DNER: variants seen among roughly 807,000 people sequenced by gnomAD.
DNER encodes delta and Notch-like epidermal growth factor-related receptor.
A neutral mutation model predicts 78.2 loss-of-function variants in DNER; 33 were observed. The ratio of observed to expected loss-of-function variants is 0.42; its 90% CI spans 0.32 to 0.56. The LOEUF is 0.56. DNER is among the 20% of genes least tolerant of loss of function. The pLI is 0.11. For missense variants in DNER, 918 were observed against 975.3 expected, an observed-to-expected ratio of 0.94 and a Z score of 0.78; for synonymous variants, 417 against 384.8, an observed-to-expected ratio of 1.08 and a Z score of -0.98.
At chr2:229,610,690 C>G (rs72990027) in intron 1 of DNER, among the ~76,000 whole-genome samples, 5,989 of 152,138 alleles carry the variant, frequency 0.039, 178 homozygotes, top group East Asian at 0.13. Flanking sequence ...CCTCAACCAC[C>G]GACAGTGTAC....
intron 1 of DNER, chr2:229,702,228 A>C (rs562973081): frequency 1.3e-5 from 2 of 154,120 alleles, no homozygotes; most frequent in South Asian, 2.0e-4. Context: ...AATTCTTGTT[A>C]GCAATAAATA....
chr2:229,386,337 C>T (rs1244227892), intron 11 of DNER, among the ~76,000 whole-genome samples: 1 of 152,196 alleles, frequency 6.6e-6, no homozygotes, highest in Admixed American at 6.5e-5. Context: ...GGATAAAAGA[C>T]TTACACGTAA....
intron 5 of DNER, among the ~76,000 whole-genome samples, chr2:229,541,971 T>G (rs1052712129): frequency 6.8e-6 from 1 of 147,196 alleles, no homozygotes; most frequent in African/African-American, 2.5e-5. Flanking sequence ...TATATATTAA[T>G]TATATACAAT....
intron 5 of DNER, among the ~76,000 whole-genome samples, chr2:229,513,677 A>G (rs1695916522): frequency 6.6e-6 from 1 of 152,180 alleles, no homozygotes. Flanking sequence ...ATCTGTCCCC[A>G]AAGCCTACAC....
Position 229,367,081 on chromosome 2 carries a change from T to G in DNER, c.1894A>C (p.Thr632Pro), listed in dbSNP as rs759360449. The change falls in exon 12 of 13, where the codon ACC becomes CCC. Residue 632 changes from threonine to proline, a missense_variant. Thr to Pro is a conservative substitution (Grantham distance 38). Coordinates refer to ENST00000341772, the MANE Select transcript of DNER (RefSeq NM_139072.4). Reference sequence around the variant, plus strand: ...TAGAGGGAGTGCCGTGGCATGTTGGTGAGGCTCTCCGCCATGTGCCCGGAC... The same window carrying G: ...TAGAGGGAGTGCCGTGGCATGTTGGGGAGGCTCTCCGCCATGTGCCCGGAC... ...WKSGHMAESL[T>P]NMPRHSLYII... 6.2e-7 allele frequency: 1 copy of G among 1,614,098 alleles called. No individual in the cohort carries two copies. The highest frequency in any genetic ancestry group is 8.5e-7 in the Non-Finnish European group (1 of 1,180,000).
chr2:229,604,315 T>C (rs866735253), intron 1 of DNER, among the ~76,000 whole-genome samples: 4 of 151,982 alleles, frequency 2.6e-5, no homozygotes, highest in African/African-American at 7.2e-5. Context: ...TAGCAGGGAG[T>C]TGGAAAACCA....
intron 5 of DNER, among the ~76,000 whole-genome samples, chr2:229,514,878 A>G (rs1695938694): frequency 6.6e-6 from 1 of 152,226 alleles, no homozygotes; most frequent in South Asian, 2.1e-4. Flanking sequence ...GCCAAATTGT[A>G]TATGGGTGTC....
intron 2 of DNER, among the ~76,000 whole-genome samples, chr2:229,588,813 C>T (rs1379218292): frequency 6.6e-6 from 1 of 152,144 alleles, no homozygotes; most frequent in Non-Finnish European, 1.5e-5. Context: ...GTCATTGACC[C>T]CTGCACTATG....
intron 1 of DNER, among the ~76,000 whole-genome samples, chr2:229,594,890 G>A (rs1439440674): frequency 7.0e-6 from 1 of 142,952 alleles, no homozygotes; most frequent in Non-Finnish European, 1.5e-5. Context: ...AATACTCAAG[G>A]AACACTGATT....
intron 1 of DNER, among the ~76,000 whole-genome samples, chr2:229,636,858 T>G (rs1248023641): frequency 1.3e-5 from 2 of 152,218 alleles, no homozygotes; most frequent in South Asian, 4.1e-4. Context: ...TGGCTCCTTC[T>G]TGGTCATTCT....
intron 5 of DNER, among the ~76,000 whole-genome samples, chr2:229,527,649 A>C (rs7597237): frequency 0.026 from 3,902 of 152,284 alleles, 170 homozygotes; most frequent in African/African-American, 0.089. Flanking sequence ...GCATGGACAA[A>C]TGGATTGTAT....
intron 7 of DNER, among the ~76,000 whole-genome samples, chr2:229,471,201 A>G (rs11903122): frequency 0.36 from 54,868 of 151,960 alleles, 11,690 homozygotes; most frequent in African/African-American, 0.6. Context: ...TGGGTAACAT[A>G]CCCAGTTTTT....
intron 1 of DNER, among the ~76,000 whole-genome samples, chr2:229,633,229 G>A (rs150485653): frequency 6.6e-6 from 1 of 152,298 alleles, no homozygotes; most frequent in Non-Finnish European, 1.5e-5. Context: ...CAATGACCAC[G>A]TGGAGTATGG....
intron 6 of DNER, among the ~76,000 whole-genome samples, chr2:229,481,837 A>G (rs896268107): frequency 6.6e-6 from 1 of 152,212 alleles, no homozygotes; most frequent in African/African-American, 2.4e-5. Context: ...TGCCACAGAC[A>G]CAAAAGGTAA....
At chr2:229,674,150 G>T (rs533363122) in intron 1 of DNER, among the ~76,000 whole-genome samples, 1 of 152,270 alleles carries the variant, frequency 6.6e-6, no homozygotes, top group Admixed American at 6.5e-5. Flanking sequence ...GGTACTTCAG[G>T]GTCCCTGGTT....
At chr2:229,499,621 A>G (rs1465124117) in intron 6 of DNER, among the ~76,000 whole-genome samples, 1 of 151,862 alleles carries the variant, frequency 6.6e-6, no homozygotes, top group Non-Finnish European at 1.5e-5. Context: ...TTAAACAGAA[A>G]AAAAAAAATA....
chr2:229,534,752 A>C (rs1328407475), intron 5 of DNER, among the ~76,000 whole-genome samples: 9 of 152,252 alleles, frequency 5.9e-5, no homozygotes, highest in Non-Finnish European at 8.8e-5. Context: ...TAGAACTATA[A>C]TTATTGTTCA....
Position 229,358,374 on chromosome 2 carries a change from T to C in DNER, c.*166A>G, listed in dbSNP as rs937706853. The C allele has an allele frequency of 1.7e-6, 1 of 580,802 alleles. No homozygotes were observed. Among genetic ancestry groups the C allele is most frequent in the Non-Finnish European group, 2.8e-6 (1 of 353,162 alleles). 36.0% of individuals were successfully genotyped at this position (580,802 alleles called of 1,614,324 possible). On this transcript the variant is annotated 3_prime_UTR_variant, in exon 13 of 13. Coordinates refer to ENST00000341772, the MANE Select transcript of DNER (RefSeq NM_139072.4). ...TCTATAGGTTTCACAAATTTTGTTT[T>C]TAAAATATTTTTTCCAAACTAAAAG...
At chr2:229,642,880 T>A (rs1002547733) in intron 1 of DNER, among the ~76,000 whole-genome samples, 3 of 152,136 alleles carry the variant, frequency 2.0e-5, no homozygotes, top group African/African-American at 7.2e-5. Flanking sequence ...TTCATATTAC[T>A]TGAGGCCATG....
Sources: allele counts gnomAD v4.1 joint callset (sites outside exome capture counted in the v4.1 genomes callset), GRCh38; gene constraint gnomAD v4.1.1; transcripts MANE v1.5; gene names NCBI Gene and HGNC (gene_info 2026-07-23, HGNC 2026-07-21).